The following RBAK variants were observed in gnomAD, a reference collection of about 807,000 sequenced individuals.
RBAK encodes the protein RB associated KRAB zinc finger.
RBAK carries 39 observed loss-of-function variants against 65.8 expected under a neutral mutation model. The observed-to-expected ratio is 0.59, with a 90% CI of 0.46 to 0.77. The LOEUF is 0.77. Among genes scored for constraint, RBAK ranks in the 30% least tolerant of loss-of-function variants. The probability of loss-of-function intolerance (pLI) is 0.00; values close to 1 mark genes in which losing one functional copy is unlikely to be tolerated. For synonymous variants in RBAK, 343 were observed against 289.7 expected, an observed-to-expected ratio of 1.18 and a Z score of -1.87; for missense variants, 884 against 855.1, an observed-to-expected ratio of 1.03 and a Z score of -0.42.
At chr7:5,059,922 T>C (rs1314353198) in intron 4 of RBAK, among the ~76,000 whole-genome samples, 1 of 152,206 alleles carries the variant, frequency 6.6e-6, no homozygotes, top group Non-Finnish European at 1.5e-5. Flanking sequence ...GATGGGATTA[T>C]ATATTCAAAG....
chr7:5,065,843 ATATT>A lies in RBAK; in HGVS notation c.*245_*248del, dbSNP rs1315681481. ...TTTATATAGGAGTGAAGTTTTATAAATATTTAATATTTATTTTGGATTCAAATTG... is the reference window on the plus strand; with the variant it reads ...TTTATATAGGAGTGAAGTTTTATAAATAATATTTATTTTGGATTCAAATTG... On this transcript the variant is annotated 3_prime_UTR_variant, in exon 5 of 5. Transcript: ENST00000396912. The surrounding 1 kb of genome is among the most constrained non-coding windows in gnomAD (Gnocchi z 5.3). The A allele has an allele frequency of 3.5e-6, 1 of 288,968 alleles. No individual in the cohort carries two copies. Among genetic ancestry groups the A allele is most frequent in the African/African-American group, 2.2e-5 (1 of 46,228 alleles). 17.9% of individuals were successfully genotyped at this position (288,968 alleles called of 1,614,324 possible).
chr7:5,065,814 CTAATT>C lies in RBAK; in HGVS notation c.*216_*220del, dbSNP rs1021218903. On this transcript the variant is annotated 3_prime_UTR_variant, in exon 5 of 5. Coordinates refer to ENST00000396912, the MANE Select transcript of RBAK (RefSeq NM_021163.4). The surrounding 1 kb of genome is among the most constrained non-coding windows in gnomAD (Gnocchi z 5.3). ...GCAAGATCATACGACTCATCGGACA[CTAATT>C]TATATAGGAGTGAAGTTTTATAAAT... The C allele has an allele frequency of 1.3e-4, 48 of 376,728 alleles. No individual in the cohort carries two copies. The highest frequency in any genetic ancestry group is 9.4e-4 in the African/African-American group (45 of 48,056). The allele number at this position is 376,728 out of a possible 1,614,324, so 23.3% of individuals were successfully genotyped here.
chr7:5,050,716 A>G (rs1266365664), intron 2 of RBAK, among the ~76,000 whole-genome samples: 1 of 152,098 alleles, frequency 6.6e-6, no homozygotes, highest in South Asian at 2.1e-4. Context: ...CTGGGAGTAT[A>G]GTCATGTGCC....
Position 5,059,377 on chromosome 7 carries a change from A to G in RBAK, c.238+1598A>G, listed in dbSNP as rs549438868. 5.6e-4 allele frequency among the ~76,000 whole-genome samples: 85 copies of G among 151,478 alleles called. No homozygotes were observed. In the South Asian group the frequency reaches 0.011, roughly 19 times the overall value. ...CTCTTGTCGCCCAGGCTGGAGTGCA[A>G]TGGCATGATCTCGGCTCACTGCAGC... is the stretch of plus-strand genomic sequence containing the variant. On this transcript the variant is annotated intron_variant, in intron 4 of 4. Coordinates refer to ENST00000396912, the MANE Select transcript of RBAK (RefSeq NM_021163.4).
Position 5,064,434 on chromosome 7 carries a change from T to C in RBAK, c.978T>C (p.Phe326=), listed in dbSNP as rs1348048271. The change falls in exon 5 of 5, where the codon TTT becomes TTC. Residue 326 remains phenylalanine (F), a synonymous_variant. Transcript: ENST00000396912. The surrounding 1 kb of genome is among the most constrained non-coding windows in gnomAD (Gnocchi z 6.3). The part of the protein sequence containing the change: ...PYKCNECGKT[F]CQKLHLTQHL... ...AATGTAATGAATGTGGGAAAACCTT[T>C]TGTCAGAAGTTACACCTCACTCAAC... The C allele has an allele frequency of 1.2e-6, 2 of 1,613,640 alleles. No homozygotes were observed. The highest frequency in any genetic ancestry group is 1.3e-5 in the African/African-American group (1 of 74,802).
intron 4 of RBAK, among the ~76,000 whole-genome samples, chr7:5,061,417 A>T (rs1014399108): frequency 2.0e-5 from 3 of 148,278 alleles, no homozygotes; most frequent in East Asian, 2.0e-4. Context: ...CACTTCAAAG[A>T]TCTGATCTTG....
chr7:5,059,555 G>A (rs1779018576), intron 4 of RBAK, among the ~76,000 whole-genome samples: 1 of 151,850 alleles, frequency 6.6e-6, no homozygotes, highest in South Asian at 2.1e-4. Context: ...CCATTTTTAA[G>A]TATACAGTAA....
Position 5,057,332 on chromosome 7 carries a change from C to T in RBAK, c.53C>T (p.Thr18Ile), listed in dbSNP as rs773901073. 2.5e-6 allele frequency: 4 copies of T among 1,613,968 alleles called. No individual in the cohort carries two copies. The Admixed American group carries it at 6.7e-5, about 27-fold the overall frequency. ...VSFKDVAVDF[T>I]QEEWQQLDPD... ...TTCAAAGATGTGGCTGTGGATTTCACCCAGGAGGAGTGGCAGCAGCTGGAC... is the reference window on the plus strand; with the variant it reads ...TTCAAAGATGTGGCTGTGGATTTCATCCAGGAGGAGTGGCAGCAGCTGGAC... Residue 18 changes from threonine to isoleucine, a missense_variant, in exon 3 of 5, where the codon ACC (threonine) becomes ATC (isoleucine). Physicochemically the swap from Thr to Ile is moderately conservative, Grantham distance 89 (BLOSUM62 -1). Transcript: ENST00000396912.
At chr7:5,063,532 A>G (rs1438123818) in intron 4 of RBAK, among the ~76,000 whole-genome samples, 163 bp from the exon 5 acceptor site, 1 of 144,270 alleles carries the variant, frequency 6.9e-6, no homozygotes, top group Non-Finnish European at 1.5e-5. Context: ...TTGTATTCCA[A>G]ACCAAAGGAA....
rs1458143381 is a variant in RBAK at position 5,069,217 on chromosome 7, T to C, written c.*3616T>C. 1 of 152,206 alleles carries C rather than the reference T, an allele frequency of 6.6e-6. No homozygotes were observed. Among genetic ancestry groups the C allele is most frequent in the African/African-American group, 2.4e-5 (1 of 41,462 alleles). 9.4% of individuals were successfully genotyped at this position (152,206 alleles called of 1,614,324 possible). ...ATCACTCTAATCATATTTTTCTAGA[T>C]GTGTATGAATATGCTGCACAACAGG... On this transcript the variant is annotated 3_prime_UTR_variant, in exon 5 of 5. Coordinates refer to ENST00000396912, the MANE Select transcript of RBAK (RefSeq NM_021163.4).
chr7:5,065,330 G>A lies in RBAK; in HGVS notation c.1874G>A (p.Cys625Tyr). Residue 625 changes from cysteine to tyrosine, a missense_variant, in exon 5 of 5, where the codon TGT becomes TAT. Transcript: ENST00000396912. The surrounding 1 kb of genome is among the most constrained non-coding windows in gnomAD (Gnocchi z 5.3). ...RIHSGEKPYE[C>Y]SKCGKVFSRM... ...CATTCAGGAGAGAAACCCTATGAAT[G>A]TAGTAAATGTGGAAAAGTCTTCTCT... 1 of 1,613,834 alleles carries A rather than the reference G, an allele frequency of 6.2e-7. No individual in the cohort carries two copies. Among genetic ancestry groups the A allele is most frequent in the African/African-American group, 1.3e-5 (1 of 75,020 alleles).
rs1253142522 is a variant in RBAK at position 5,048,432 on chromosome 7, C to T, written c.15+341C>T. On this transcript the variant is annotated intron_variant, in intron 2 of 4. Coordinates refer to ENST00000396912, the MANE Select transcript of RBAK (RefSeq NM_021163.4). This position sits in a 1 kb window ranked among gnomAD's most constrained non-coding sequence, Gnocchi z 4.4. ...CAGGTGATCCTCCTGCCTCAGCCTC[C>T]CAAAGTGCTGGGATTACAGGCATGA... 6.6e-6 allele frequency among the ~76,000 whole-genome samples: 1 copy of T among 152,202 alleles called. No individual in the cohort carries two copies. Among genetic ancestry groups the T allele is most frequent in the African/African-American group, 2.4e-5 (1 of 41,448 alleles).
Position 5,064,168 on chromosome 7 carries a change from T to A in RBAK, c.712T>A (p.Ser238Thr), listed in dbSNP as rs1222342437. Residue 238 changes from serine (S) to threonine (T), a missense_variant, in exon 5 of 5, where the codon TCT becomes ACT. Physicochemically the swap from Ser to Thr is moderately conservative, Grantham distance 58. Coordinates refer to ENST00000396912, the MANE Select transcript of RBAK (RefSeq NM_021163.4). This position sits in a 1 kb window ranked among gnomAD's most constrained non-coding sequence, Gnocchi z 6.3. ...GGAGAAGCCCTATGAGTGGAATGAT[T>A]CTGGACCAGACTTCATACAGATGTC... ...IGEKPYEWND[S>T]GPDFIQMSNF... 6.2e-7 allele frequency: 1 copy of A among 1,613,992 alleles called. No individual in the cohort carries two copies. The highest frequency in any genetic ancestry group is 8.5e-7 in the Non-Finnish European group (1 of 1,179,962).
Position 5,057,398 on chromosome 7 carries a change from A to C in RBAK, c.119A>C (p.Asn40Thr), listed in dbSNP as rs375554654. ...ACTTACAGGGATGTGATGTTGGAGA[A>C]CTATAGCCATCTAGTTTCTGTGGGT... ...KITYRDVMLE[N>T]YSHLVSVGYD... is the part of the protein sequence containing the mutation. The change falls in exon 3 of 5, where the codon AAC becomes ACC. Residue 40 changes from asparagine (N) to threonine (T), a missense_variant. Coordinates refer to ENST00000396912, the MANE Select transcript of RBAK (RefSeq NM_021163.4). 77 of 1,614,122 alleles carry C rather than the reference A, an allele frequency of 4.8e-5. No homozygotes were observed. In the Middle Eastern group the frequency reaches 4.9e-4, roughly 10 times the overall value.
intron 1 of RBAK, among the ~76,000 whole-genome samples, chr7:5,047,598 TC>T (rs1484536550): frequency 6.8e-4 from 95 of 140,720 alleles, no homozygotes; most frequent in African/African-American, 2.3e-3. Flanking sequence ...TCTTTTTCAC[TC>T]TCTTTTTTTT....
chr7:5,064,907 C>T lies in RBAK; in HGVS notation c.1451C>T (p.Ser484Phe), dbSNP rs1198410787. 1 of 1,613,904 alleles carries T rather than the reference C, an allele frequency of 6.2e-7. No individual in the cohort carries two copies. Among genetic ancestry groups the T allele is most frequent in the Non-Finnish European group, 8.5e-7 (1 of 1,179,938 alleles). Residue 484 changes from serine to phenylalanine, a missense_variant, in exon 5 of 5, where the codon TCC becomes TTC. Coordinates refer to ENST00000396912, the MANE Select transcript of RBAK (RefSeq NM_021163.4). This position sits in a 1 kb window ranked among gnomAD's most constrained non-coding sequence, Gnocchi z 6.3. Reference sequence around the variant, plus strand: ...CGGAAAGTACACACAGAAGAGAAATCCCATGAATGTAGTGAATGTGGAAAG... The same window carrying T: ...CGGAAAGTACACACAGAAGAGAAATTCCATGAATGTAGTGAATGTGGAAAG... Reference protein sequence around the residue: ...RHRKVHTEEKSHECSECGKFS... With the variant: ...RHRKVHTEEKFHECSECGKFS...
Position 5,069,198 on chromosome 7 carries a change from C to G in RBAK, c.*3597C>G, listed in dbSNP as rs751018563. 6.6e-6 allele frequency: 1 copy of G among 152,104 alleles called. No individual in the cohort carries two copies. The highest frequency in any genetic ancestry group is 1.5e-5 in the Non-Finnish European group (1 of 68,018). 9.4% of individuals were successfully genotyped at this position (152,104 alleles called of 1,614,324 possible). The stretch of plus-strand genomic sequence containing the variant: ...GCTAACATTTGTGTCGCTCATCACT[C>G]TAATCATATTTTTCTAGATGTGTAT... On this transcript the variant is annotated 3_prime_UTR_variant, in exon 5 of 5. Coordinates refer to ENST00000396912, the MANE Select transcript of RBAK (RefSeq NM_021163.4).
intron 1 of RBAK, among the ~76,000 whole-genome samples, chr7:5,046,787 A>G (rs956620458): frequency 1.3e-5 from 2 of 152,136 alleles, no homozygotes; most frequent in African/African-American, 4.8e-5. Flanking sequence ...ATGCAGGAAC[A>G]GTCTGCAGGG....
At chr7:5,051,300 C>A (rs1788111141) in intron 2 of RBAK, among the ~76,000 whole-genome samples, 1 of 152,060 alleles carries the variant, frequency 6.6e-6, no homozygotes, top group Admixed American at 6.5e-5. Flanking sequence ...AACATTTTCC[C>A]ACATTAATCA....
Sources: gnomAD v4.1 joint callset for allele counts (sites outside exome capture counted in the v4.1 genomes callset) on GRCh38, gnomAD v4.1.1 for gene constraint, Gnocchi (gnomAD v3.1) non-coding constraint, MANE v1.5 for transcripts, NCBI Gene and HGNC (gene_info 2026-07-23, HGNC 2026-07-21) for gene names.